The following SNAP23 variants were observed in gnomAD, a reference collection of about 807,000 sequenced individuals.
The protein encoded by SNAP23 is synaptosomal-associated protein 23.
In SNAP23, 11 loss-of-function variants were observed where a neutral mutation model predicts 29.0. The observed-to-expected ratio is 0.38, with a 90% confidence interval of 0.24 to 0.63. The LOEUF is 0.63. Ranked by LOEUF, SNAP23 falls within the 20% of genes least tolerant of loss-of-function variation. The pLI, the probability that SNAP23 is intolerant of heterozygous loss-of-function variation, is 0.58. For synonymous variants in SNAP23, 60 were observed against 82.9 expected, an observed-to-expected ratio of 0.72 and a Z score of 1.50; for missense variants, 220 against 253.9, an observed-to-expected ratio of 0.87 and a Z score of 0.91.
chr15:42,521,043 C>T lies in SNAP23; in HGVS notation c.266+5689C>T, dbSNP rs146443797. Among the ~76,000 whole-genome samples the T allele has an allele frequency of 1.2e-4, 19 of 152,300 alleles. No individual in the cohort carries two copies. In the South Asian group the frequency reaches 3.1e-3, roughly 25 times the overall value. ...GGTTTAGTGCTTCTTCCATCCTGCT[C>T]ACTGGAGACACAAATATGAGTAAGG... On this transcript the variant is annotated intron_variant, in intron 5 of 7. Coordinates refer to ENST00000249647, the MANE Select transcript of SNAP23 (RefSeq NM_003825.4).
intron 1 of SNAP23, among the ~76,000 whole-genome samples, chr15:42,502,596 A>C (rs868161011): frequency 6.6e-6 from 1 of 152,174 alleles, no homozygotes; most frequent in Non-Finnish European, 1.5e-5. Context: ...TTCGGTGAAT[A>C]TTTCATTCAG....
intron 5 of SNAP23, among the ~76,000 whole-genome samples, chr15:42,519,442 G>T (rs865933272): frequency 6.6e-6 from 1 of 151,776 alleles, no homozygotes; most frequent in Non-Finnish European, 1.5e-5. Flanking sequence ...TACAATCTCG[G>T]CTCACTGCAA....
At chr15:42,496,690 C>G (rs1328904984) in intron 1 of SNAP23, among the ~76,000 whole-genome samples, 1 of 151,966 alleles carries the variant, frequency 6.6e-6, no homozygotes, top group Non-Finnish European at 1.5e-5. Flanking sequence ...GAGCTTCAGC[C>G]TGGGAGACAG....
intron 1 of SNAP23, among the ~76,000 whole-genome samples, chr15:42,497,597 C>T (rs932507125): frequency 3.9e-5 from 6 of 152,192 alleles, no homozygotes; most frequent in Non-Finnish European, 8.8e-5. Context: ...CCCACCTCAT[C>T]TTCCCAAGGT....
chr15:42,529,019 T>C (rs1199912912), intron 6 of SNAP23, among the ~76,000 whole-genome samples: 8 of 152,234 alleles, frequency 5.3e-5, no homozygotes, highest in African/African-American at 1.9e-4. Flanking sequence ...TTTTAAAATG[T>C]GTCATCTAGA....
intron 1 of SNAP23, among the ~76,000 whole-genome samples, chr15:42,508,225 C>T (rs984479861): frequency 1.3e-5 from 2 of 149,834 alleles, no homozygotes; most frequent in Non-Finnish European, 3.0e-5. Context: ...ATTGCACCAC[C>T]GCTCTCCAAC....
At chr15:42,520,489 CT>C (rs200331370) in intron 5 of SNAP23, among the ~76,000 whole-genome samples, 1 of 151,696 alleles carries the variant, frequency 6.6e-6, no homozygotes, top group East Asian at 1.9e-4. Flanking sequence ...TTTAAACATT[CT>C]TTTTTTTTAT....
At chr15:42,505,879 T>TCCTCCCTTCCTCCCTC (rs2057313052) in intron 1 of SNAP23, among the ~76,000 whole-genome samples, 1 of 151,332 alleles carries the variant, frequency 6.6e-6, no homozygotes, top group African/African-American at 2.4e-5. Context: ...TTTTCTTATC[T>TCCTCCCTTCCTCCCTC]CCTCCCTTCC....
chr15:42,513,527 C>T, intron 4 of SNAP23, 80 bp downstream of exon 4: 1 of 1,175,314 alleles, frequency 8.5e-7, no homozygotes, highest in Middle Eastern at 1.9e-4. Context: ...ATACAAATTT[C>T]AGCCTTTGGG....
At chr15:42,530,554 G>T (rs916015111) in intron 7 of SNAP23, among the ~76,000 whole-genome samples, 9 of 152,150 alleles carry the variant, frequency 5.9e-5, no homozygotes, top group Admixed American at 2.0e-4. Context: ...GAGCTCAGGA[G>T]TTTGAGACCA....
intron 1 of SNAP23, among the ~76,000 whole-genome samples, chr15:42,508,589 G>A (rs2057334016): frequency 6.6e-6 from 1 of 152,162 alleles, no homozygotes; most frequent in South Asian, 2.1e-4. Context: ...TGGAAAGGAT[G>A]TGTCCTTCAG....
At chr15:42,517,795 C>T (rs2057409459) in intron 5 of SNAP23, among the ~76,000 whole-genome samples, 1 of 152,160 alleles carries the variant, frequency 6.6e-6, no homozygotes, top group African/African-American at 2.4e-5. Context: ...ACTGTAGCCT[C>T]AAACATCTGG....
At chr15:42,498,218 G>A (rs1161905640) in intron 1 of SNAP23, among the ~76,000 whole-genome samples, 2 of 152,174 alleles carry the variant, frequency 1.3e-5, no homozygotes, top group Admixed American at 1.3e-4. Context: ...TGGGGATTCT[G>A]GGGGGTGGGC....
intron 5 of SNAP23, among the ~76,000 whole-genome samples, chr15:42,519,017 C>T (rs1032620733): frequency 1.2e-4 from 18 of 151,836 alleles, no homozygotes; most frequent in Non-Finnish European, 2.5e-4. Flanking sequence ...TGCATGTCAC[C>T]ATGCCTGGTT....
At chr15:42,528,137 A>C in intron 5 of SNAP23, 125 bp from the exon 6 acceptor site, 5 of 532,494 alleles carry the variant, frequency 9.4e-6, no homozygotes, top group South Asian at 3.8e-5. Context: ...GATCATCTAG[A>C]CTTAGCTGTA....
In SNAP23 at chr15:42,528,107, T is replaced by G. The variant is rs561100727; in HGVS notation, c.267-155T>G. 5.2e-6 allele frequency: 3 copies of G among 582,502 alleles called. No homozygotes were observed. The South Asian group carries it at 7.9e-5, about 15-fold the overall frequency. The allele number at this position is 582,502 out of a possible 1,614,324, so 36.1% of individuals were successfully genotyped here. On this transcript the variant is annotated intron_variant, in intron 5 of 7. Coordinates refer to ENST00000249647, the MANE Select transcript of SNAP23 (RefSeq NM_003825.4). ...TAATTCATCTATTTCCTATTCCATATTGCCATGGAGCATAGTGTAGATCAT... is the reference window on the plus strand; with the variant it reads ...TAATTCATCTATTTCCTATTCCATAGTGCCATGGAGCATAGTGTAGATCAT...
At chr15:42,499,072 C>CTT (rs35615383) in intron 1 of SNAP23, among the ~76,000 whole-genome samples, 7 of 142,448 alleles carry the variant, frequency 4.9e-5, no homozygotes, top group Admixed American at 7.0e-5. Context: ...AAGGTCACAT[C>CTT]TTTTTTTTTT....
intron 1 of SNAP23, among the ~76,000 whole-genome samples, chr15:42,509,035 G>T (rs1567043768): frequency 2.0e-5 from 3 of 152,132 alleles, no homozygotes; most frequent in Non-Finnish European, 4.4e-5. Flanking sequence ...GAGGTATCTC[G>T]GTTGGGGCTT....
intron 2 of SNAP23, chr15:42,512,360 T>A (rs185923010): frequency 7.0e-6 from 1 of 142,174 alleles, no homozygotes; most frequent in African/African-American, 3.1e-5. Context: ...ACTAAAAATG[T>A]AGTGATCAAC....
Sources: gnomAD v4.1 joint callset for allele counts (sites outside exome capture counted in the v4.1 genomes callset) on GRCh38, gnomAD v4.1.1 for gene constraint, MANE v1.5 for transcripts, NCBI Gene and HGNC (gene_info 2026-07-23, HGNC 2026-07-21) for gene names.